Variants in DOCK3 observed in about 807,000 individuals in gnomAD.
DOCK3 encodes the protein dedicator of cytokinesis 3, also known as dedicator of cytokinesis protein 3.
A neutral mutation model predicts 265.6 loss-of-function variants in DOCK3; 60 were observed. The ratio of observed to expected loss-of-function variants is 0.23; its 90% CI spans 0.18 to 0.28. The LOEUF is 0.28. Ranked by LOEUF, DOCK3 falls within the 10% of genes least tolerant of loss-of-function variation. The pLI is 1.00. For missense variants in DOCK3, 1,981 were observed against 2,594.3 expected (o/e 0.76, Z 5.14); for synonymous variants, 881 against 938.0 (o/e 0.94, Z 1.11).
chr3:50,714,850 C>T (rs1559543810), intron 1 of DOCK3, among the ~76,000 whole-genome samples: 1 of 152,200 alleles, frequency 6.6e-6, no homozygotes, highest in Non-Finnish European at 1.5e-5. Context: ...TGCACATGCT[C>T]TTCTAACACT....
chr3:50,809,702 G>T (rs1332486233), intron 2 of DOCK3, among the ~76,000 whole-genome samples: 1 of 152,128 alleles, frequency 6.6e-6, no homozygotes. Context: ...AACTGAATGT[G>T]ATATAGAAAG....
chr3:51,211,223 G>A (rs1434561106), intron 13 of DOCK3, among the ~76,000 whole-genome samples: 2 of 152,132 alleles, frequency 1.3e-5, no homozygotes, highest in East Asian at 1.9e-4. Context: ...CACAGGTGTT[G>A]ATTTGTCCAG....
intron 12 of DOCK3, among the ~76,000 whole-genome samples, chr3:51,169,944 C>G (rs1280144651): frequency 6.6e-6 from 1 of 151,970 alleles, no homozygotes; most frequent in Non-Finnish European, 1.5e-5. Flanking sequence ...CATCTGTGTT[C>G]ATCAGAAATT....
chr3:51,097,614 C>T (rs903878916), intron 9 of DOCK3, among the ~76,000 whole-genome samples: 1 of 152,214 alleles, frequency 6.6e-6, no homozygotes, highest in South Asian at 2.1e-4. Context: ...GGAGAGTGAA[C>T]GGTTCTGTCT....
chr3:51,148,079 C>A (rs1409523825), intron 10 of DOCK3, among the ~76,000 whole-genome samples: 1 of 152,182 alleles, frequency 6.6e-6, no homozygotes, highest in Non-Finnish European at 1.5e-5. Context: ...ATTTGCATTT[C>A]TCTGATGACC....
At chr3:50,773,769 C>T (rs977970018) in intron 1 of DOCK3, among the ~76,000 whole-genome samples, 10 of 152,004 alleles carry the variant, frequency 6.6e-5, no homozygotes, top group African/African-American at 2.4e-4. Flanking sequence ...TAATCCTTTC[C>T]CCTCTACCTT....
intron 5 of DOCK3, 148 bp downstream of exon 5, chr3:50,934,225 C>CT (rs1399866332): frequency 8.2e-6 from 5 of 612,124 alleles, no homozygotes; most frequent in Non-Finnish European, 1.1e-5. Flanking sequence ...ACATAGCAGA[C>CT]TGAGTTTTTT....
intron 2 of DOCK3, among the ~76,000 whole-genome samples, chr3:50,813,201 A>G (rs1296567474): frequency 6.6e-6 from 1 of 152,244 alleles, no homozygotes. Flanking sequence ...CAATGGAGTT[A>G]TGTCCCAGTA....
chr3:50,727,686 A>G (rs186368900), intron 1 of DOCK3, among the ~76,000 whole-genome samples: 1 of 152,306 alleles, frequency 6.6e-6, no homozygotes, highest in Non-Finnish European at 1.5e-5. Context: ...TGATAGAGTG[A>G]GGCTCCTCAA....
chr3:51,276,996 AGTCCTTC>A (rs2080851373), intron 25 of DOCK3, among the ~76,000 whole-genome samples: 1 of 152,220 alleles, frequency 6.6e-6, no homozygotes, highest in South Asian at 2.1e-4. Flanking sequence ...CTGAGGCTGG[AGTCCTTC>A]AAATGGACCC....
At chr3:50,978,869 C>T (rs376667109) in intron 5 of DOCK3, among the ~76,000 whole-genome samples, 83 of 152,336 alleles carry the variant, frequency 5.4e-4, no homozygotes, top group African/African-American at 1.9e-3. Flanking sequence ...TTAAGCCCGT[C>T]GGAAAAGCGC....
chr3:50,902,831 GTT>G (rs1430523116), intron 4 of DOCK3, among the ~76,000 whole-genome samples: 3 of 151,838 alleles, frequency 2.0e-5, no homozygotes, highest in Non-Finnish European at 4.4e-5. Context: ...TTCCATTTGT[GTT>G]CTCTCTGATT....
chr3:51,068,056 T>C (rs1446799381), intron 6 of DOCK3, among the ~76,000 whole-genome samples: 1 of 152,230 alleles, frequency 6.6e-6, no homozygotes, highest in African/African-American at 2.4e-5. Flanking sequence ...AATGTTTTAA[T>C]TGATGTAATT....
intron 19 of DOCK3, among the ~76,000 whole-genome samples, chr3:51,232,462 T>C (rs1403725160): frequency 6.6e-6 from 1 of 152,224 alleles, no homozygotes; most frequent in African/African-American, 2.4e-5. Context: ...CTGTTTTCCA[T>C]AGTGGTTGTA....
Position 51,374,339 on chromosome 3 carries a change from T to C in DOCK3, c.5294-130T>C, listed in dbSNP as rs777138923. 1.5e-5 allele frequency: 12 copies of C among 783,012 alleles called. No homozygotes were observed. The Admixed American group carries it at 2.6e-4, about 17-fold the overall frequency. The allele number at this position is 783,012 out of a possible 1,614,324, so 48.5% of individuals were successfully genotyped here. Reference sequence around the variant, plus strand: ...AGACTCTGCTTCATTCCTCCTGTGCTTGCTGAGTTCATCCTCACCCTAACT... The same window carrying C: ...AGACTCTGCTTCATTCCTCCTGTGCCTGCTGAGTTCATCCTCACCCTAACT... On this transcript the variant is annotated intron_variant, in intron 49 of 52. Transcript: ENST00000266037. This position sits in a 1 kb window ranked among gnomAD's most constrained non-coding sequence, Gnocchi z 4.8.
intron 3 of DOCK3, chr3:50,877,127 G>T: frequency 3.6e-6 from 1 of 276,914 alleles, no homozygotes. Context: ...ATTGCTCCAG[G>T]AAAATTACCA....
chr3:51,366,971 T>C (rs1424040473), intron 49 of DOCK3, among the ~76,000 whole-genome samples: 1 of 152,204 alleles, frequency 6.6e-6, no homozygotes, highest in South Asian at 2.1e-4. Flanking sequence ...TTCTGTTGAT[T>C]TGGGGTGGAG....
intron 9 of DOCK3, among the ~76,000 whole-genome samples, chr3:51,112,298 A>T (rs1251397584): frequency 6.6e-6 from 1 of 152,100 alleles, no homozygotes; most frequent in Non-Finnish European, 1.5e-5. Flanking sequence ...TTTGGAAAAA[A>T]GAATAGAGAA....
intron 5 of DOCK3, among the ~76,000 whole-genome samples, chr3:50,978,229 A>G (rs1270962151): frequency 6.7e-6 from 1 of 149,080 alleles, no homozygotes; most frequent in African/African-American, 2.4e-5. Context: ...TCTGCTTTTT[A>G]GAGTTTCCAG....
Sources: allele counts gnomAD v4.1 joint callset (sites outside exome capture counted in the v4.1 genomes callset), GRCh38; gene constraint gnomAD v4.1.1; non-coding constraint Gnocchi (gnomAD v3.1); transcripts MANE v1.5; gene names NCBI Gene and HGNC (gene_info 2026-07-23, HGNC 2026-07-21).